The following NRP1 variants were observed in gnomAD, a reference collection of about 807,000 sequenced individuals.
The protein encoded by NRP1 is neuropilin 1, also known as neuropilin-1.
NRP1 carries 35 observed loss-of-function variants against 106.7 expected under a neutral mutation model. The ratio of observed to expected loss-of-function variants is 0.33; its 90% confidence interval spans 0.25 to 0.43. NRP1 has a LOEUF of 0.43. Ranked by LOEUF, NRP1 falls within the 20% of genes least tolerant of loss-of-function variation. The pLI is 1.00. For missense variants in NRP1, 1,024 were observed against 1,170.4 expected, an observed-to-expected ratio of 0.87 and a Z score of 1.83; for synonymous variants, 437 against 417.9, an observed-to-expected ratio of 1.05 and a Z score of -0.56.
intron 6 of NRP1, among the ~76,000 whole-genome samples, chr10:33,235,045 A>T (rs1256390787): frequency 6.6e-6 from 1 of 152,226 alleles, no homozygotes; most frequent in African/African-American, 2.4e-5. Flanking sequence ...GATAGTGCTT[A>T]CATGGGCTCT....
At position 33,202,652 on chromosome 10, in the gene NRP1, T is replaced by C. The variant is rs200411076; in HGVS notation, c.1864+239A>G. ...AATTCTTATTCAATTAAGATAATCC[T>C]AGCCTTTGGCTCTCGAAATGGCTCA... On this transcript the variant is annotated intron_variant, in intron 11 of 16. Coordinates refer to ENST00000374867, the MANE Select transcript of NRP1 (RefSeq NM_003873.7). 163 of 1,541,464 alleles carry C rather than the reference T, an allele frequency of 1.1e-4. 2 individuals carry two copies. In the South Asian group the frequency reaches 1.7e-3, roughly 16 times the overall value.
chr10:33,320,454 G>A (rs535299893), intron 2 of NRP1, among the ~76,000 whole-genome samples: 1 of 152,192 alleles, frequency 6.6e-6, no homozygotes, highest in African/African-American at 2.4e-5. Flanking sequence ...AGGAGGAGCG[G>A]ATGTGGCCAG....
intron 4 of NRP1, among the ~76,000 whole-genome samples, chr10:33,260,730 C>A (rs545796075): frequency 6.6e-5 from 10 of 152,202 alleles, no homozygotes; most frequent in African/African-American, 2.4e-4. Context: ...AACACGCATG[C>A]CTTGAATTTT....
At chr10:33,203,826 T>C (rs1442301358) in intron 10 of NRP1, among the ~76,000 whole-genome samples, 7 of 89,868 alleles carry the variant, frequency 7.8e-5, no homozygotes, top group Non-Finnish European at 1.5e-4. Flanking sequence ...CTGCAAGCTC[T>C]GCTTCCCGGG....
chr10:33,316,332 A>C (rs991112311), intron 2 of NRP1, among the ~76,000 whole-genome samples: 1 of 152,228 alleles, frequency 6.6e-6, no homozygotes, highest in Non-Finnish European at 1.5e-5. Context: ...AGAGTTTCAA[A>C]TTTGGGTAAG....
intron 8 of NRP1, among the ~76,000 whole-genome samples, chr10:33,214,032 A>T (rs1249614902): frequency 1.3e-5 from 2 of 152,206 alleles, no homozygotes; most frequent in Non-Finnish European, 2.9e-5. Flanking sequence ...CCCTGGATCA[A>T]GTACTGGCCC....
chr10:33,202,968 T>C lies in NRP1; in HGVS notation c.1787A>G (p.Asn596Ser). 1 of 1,614,102 alleles carries C rather than the reference T, an allele frequency of 6.2e-7. No homozygotes were observed. Among genetic ancestry groups the C allele is most frequent in the East Asian group, 2.2e-5 (1 of 44,882 alleles). The change falls in exon 11 of 17, where the codon AAC becomes AGC. Residue 596 changes from asparagine (N) to serine (S), a missense_variant. Coordinates refer to ENST00000374867, the MANE Select transcript of NRP1 (RefSeq NM_003873.7). ...ATCACATTCATCCACCAAGTTCCCGTTGGGAGTGGTCGGTCCAGCTGTAGG... is the reference window on the plus strand; with the variant it reads ...ATCACATTCATCCACCAAGTTCCCGCTGGGAGTGGTCGGTCCAGCTGTAGG... Reference protein sequence around the residue: ...EAPTAGPTTPNGNLVDECDDD... With the variant: ...EAPTAGPTTPSGNLVDECDDD...
At position 33,186,220 on chromosome 10, in the gene NRP1, A is replaced by G. The variant is rs1249986273; in HGVS notation, c.2331T>C (p.Tyr777=). The change falls in exon 14 of 17, where the codon TAT becomes TAC. Residue 777 remains tyrosine (Y), a synonymous_variant. Coordinates refer to ENST00000374867, the MANE Select transcript of NRP1 (RefSeq NM_003873.7). ...RVLLHKSLKL[Y]QVIFEGEIGK... ...CAGCCTTGGGAAGAGGTCATACCTG[A>G]TAAAGTTTCAGAGACTTGTGGAGCA... 7 of 1,597,692 alleles carry G rather than the reference A, an allele frequency of 4.4e-6. No individual in the cohort carries two copies. The South Asian group carries it at 5.6e-5, about 13-fold the overall frequency.
At chr10:33,325,533 G>GTGCAGGAATAAATT (rs2132924519) in intron 2 of NRP1, among the ~76,000 whole-genome samples, 1 of 152,282 alleles carries the variant, frequency 6.6e-6, no homozygotes, top group South Asian at 2.1e-4. Flanking sequence ...AGGAATAAAT[G>GTGCAGGAATAAATT]TAAATGTGCG....
intron 2 of NRP1, among the ~76,000 whole-genome samples, chr10:33,298,032 C>G (rs767598948): frequency 1.3e-5 from 2 of 152,138 alleles, no homozygotes; most frequent in Non-Finnish European, 2.9e-5. Context: ...TCCTGTTAAT[C>G]TTGCTCATTT....
chr10:33,229,755 T>C (rs1031347967), intron 6 of NRP1, among the ~76,000 whole-genome samples: 1 of 152,130 alleles, frequency 6.6e-6, no homozygotes, highest in Non-Finnish European at 1.5e-5. Context: ...AATTAACTAG[T>C]ATCCAACACA....
intron 4 of NRP1, among the ~76,000 whole-genome samples, chr10:33,258,252 A>T (rs2133205512): frequency 1.3e-5 from 2 of 152,368 alleles, no homozygotes; most frequent in East Asian, 3.9e-4. Context: ...AAAAAAGAAA[A>T]AAGAAAAAAC....
intron 7 of NRP1, among the ~76,000 whole-genome samples, chr10:33,224,164 A>T (rs1416779926): frequency 6.6e-6 from 1 of 152,166 alleles, no homozygotes; most frequent in African/African-American, 2.4e-5. Context: ...ATTTCATTAG[A>T]TTCAGCTAAA....
At position 33,334,270 on chromosome 10, in the gene NRP1, C is replaced by G. The variant is rs3750732; in HGVS notation, c.73+40G>C. On this transcript the variant is annotated intron_variant, in intron 1 of 16. Transcript: ENST00000374867. ...CGGTCCGGGGCGGGCAGCTGGGAGC[C>G]GGGGCGCCGCTGTCACCCGCGCCTC... 1,141 of 1,526,802 alleles carry G rather than the reference C, an allele frequency of 7.5e-4. 23 individuals are homozygous for G. In the East Asian group the frequency reaches 0.022, roughly 30 times the overall value. 94.6% of individuals were successfully genotyped at this position (1,526,802 alleles called of 1,614,324 possible).
At chr10:33,226,051 C>T (rs1327212501) in intron 7 of NRP1, 83 bp downstream of exon 7, 1 of 1,462,396 alleles carries the variant, frequency 6.8e-7, no homozygotes, top group Admixed American at 1.8e-5. Context: ...CCAGGCCAGA[C>T]AGAAAGCTAC....
chr10:33,223,798 G>A (rs529067944), intron 7 of NRP1, among the ~76,000 whole-genome samples: 46 of 152,162 alleles, frequency 3.0e-4, no homozygotes, highest in Non-Finnish European at 5.7e-4. Flanking sequence ...GTAATGGGCA[G>A]CTGCCAGGGA....
chr10:33,184,278 A>C (rs1480937461), intron 15 of NRP1, among the ~76,000 whole-genome samples: 1 of 152,190 alleles, frequency 6.6e-6, no homozygotes, highest in Admixed American at 6.5e-5. Context: ...GGCCTCCCAA[A>C]GTGCTGGGAT....
chr10:33,213,871 C>G, intron 8 of NRP1, 154 bp from the exon 9 acceptor site: 1 of 654,314 alleles, frequency 1.5e-6, no homozygotes, highest in Non-Finnish European at 2.5e-6. Context: ...ATCTTTCCTC[C>G]CTCAAACCTT....
intron 6 of NRP1, among the ~76,000 whole-genome samples, chr10:33,233,725 A>T (rs949818214): frequency 6.6e-6 from 1 of 152,186 alleles, no homozygotes; most frequent in Non-Finnish European, 1.5e-5. Context: ...GAGGACAAAG[A>T]GCTGAGGTCT....
Sources: gnomAD v4.1 joint callset for allele counts (sites outside exome capture counted in the v4.1 genomes callset) on GRCh38, gnomAD v4.1.1 for gene constraint, MANE v1.5 for transcripts, NCBI Gene and HGNC (gene_info 2026-07-23, HGNC 2026-07-21) for gene names.